WDR4: variants seen among roughly 807,000 people sequenced by gnomAD.
WDR4 encodes the protein tRNA (guanine-N(7)-)-methyltransferase non-catalytic subunit WDR4.
In WDR4, 47 loss-of-function variants were observed where a neutral mutation model predicts 48.6. The observed-to-expected ratio is 0.97, with a 90% CI of 0.77 to 1.23. WDR4 has a LOEUF of 1.23. Ranked by LOEUF, WDR4 falls within the 50% of genes most tolerant of loss-of-function variation. The probability of loss-of-function intolerance (pLI) is 0.00; values close to 1 mark genes in which losing one functional copy is unlikely to be tolerated. For missense variants in WDR4, 606 were observed against 551.6 expected (o/e 1.10, Z -0.99); for synonymous variants, 268 against 230.0 (o/e 1.17, Z -1.49).
chr21:42,875,394 AC>A (rs972802812), intron 2 of WDR4, among the ~76,000 whole-genome samples: 2 of 152,100 alleles, frequency 1.3e-5, no homozygotes, highest in African/African-American at 4.8e-5. Context: ...TACTAAAAAT[AC>A]AAAAAAAAAA....
downstream of WDR4, among the ~76,000 whole-genome samples, chr21:42,845,417 T>C (rs1438865557): frequency 1.3e-5 from 2 of 152,242 alleles, no homozygotes; most frequent in Non-Finnish European, 2.9e-5. Context: ...TCGCGGCTGG[T>C]CAGCTGCTGC....
upstream of WDR4, among the ~76,000 whole-genome samples, chr21:42,882,495 G>A (rs775705931): frequency 4.6e-5 from 7 of 151,748 alleles, no homozygotes; most frequent in Non-Finnish European, 7.4e-5. Flanking sequence ...CCCAGGAGGT[G>A]GAGGTTACAG....
intron 3 of WDR4, among the ~76,000 whole-genome samples, chr21:42,864,706 C>T (rs2058209751): frequency 6.6e-6 from 1 of 152,228 alleles, no homozygotes; most frequent in Non-Finnish European, 1.5e-5. Flanking sequence ...TCACAGTTCG[C>T]TCCCTCTCCT....
downstream of WDR4, among the ~76,000 whole-genome samples, chr21:42,848,686 G>A (rs191932837): frequency 2.3e-4 from 21 of 91,764 alleles, no homozygotes; most frequent in East Asian, 1.0e-3. Flanking sequence ...CTCACACAGC[G>A]CACGATCACG....
At position 42,860,309 on chromosome 21, in the gene WDR4, G is replaced by A. The variant is rs571572530; in HGVS notation, c.567-587C>T. Among the ~76,000 whole-genome samples, 6 of 152,344 alleles carry A rather than the reference G, an allele frequency of 3.9e-5. No individual in the cohort carries two copies. In the South Asian group the frequency reaches 1.2e-3, roughly 32 times the overall value. On this transcript the variant is annotated intron_variant, in intron 5 of 10. Coordinates refer to ENST00000398208, the MANE Select transcript of WDR4 (RefSeq NM_018669.6). ...TGAGCCCGGCCCAGTCCTCCTGTGA[G>A]GGGTTGGCCTGCAAGCACAGGACTC...
chr21:42,881,155 C>G (rs1292865931), upstream of WDR4, among the ~76,000 whole-genome samples: 1 of 152,206 alleles, frequency 6.6e-6, no homozygotes, highest in African/African-American at 2.4e-5. Flanking sequence ...ATCCGCCTGC[C>G]TCGGCCTCCC....
the WDR4 span, among the ~76,000 whole-genome samples, chr21:42,891,672 AT>A: frequency 6.6e-6 from 1 of 151,988 alleles, no homozygotes; most frequent in African/African-American, 2.4e-5. Flanking sequence ...GAAAAAAAAA[AT>A]CTGGCCGGGT....
At chr21:42,873,503 T>C (rs368985171) in intron 3 of WDR4, 48 bp downstream of exon 3, 19 of 1,608,734 alleles carry the variant, frequency 1.2e-5, no homozygotes, top group Non-Finnish European at 1.6e-5. Flanking sequence ...CATGCAAGGA[T>C]AAGGTGTGCA....
chr21:42,850,672 G>A (rs1284497848), intron 10 of WDR4, among the ~76,000 whole-genome samples: 1 of 152,202 alleles, frequency 6.6e-6, no homozygotes, highest in African/African-American at 2.4e-5. Context: ...GTCGGGCCCT[G>A]CCTGGTGAAG....
At chr21:42,868,200 C>A (rs2146075861) in intron 3 of WDR4, among the ~76,000 whole-genome samples, 1 of 152,294 alleles carries the variant, frequency 6.6e-6, no homozygotes, top group East Asian at 1.9e-4. Flanking sequence ...CCTGGAGGAG[C>A]CCTGGGCCTC....
upstream of WDR4, among the ~76,000 whole-genome samples, chr21:42,881,898 G>T (rs975418532): frequency 6.6e-6 from 1 of 152,020 alleles, no homozygotes; most frequent in East Asian, 1.9e-4. Context: ...TCTGCCTCCC[G>T]GGTTCAAGCG....
intron 8 of WDR4, 129 bp from the exon 9 acceptor site, chr21:42,853,881 C>T: frequency 9.8e-7 from 1 of 1,020,164 alleles, no homozygotes; most frequent in Non-Finnish European, 1.4e-6. Flanking sequence ...AAAGCCCCAG[C>T]TGCGCCACTC....
chr21:42,881,083 T>A (rs1156823546), upstream of WDR4, among the ~76,000 whole-genome samples: 1 of 152,150 alleles, frequency 6.6e-6, no homozygotes, highest in Non-Finnish European at 1.5e-5. Flanking sequence ...TTTTTTGTAT[T>A]TTTCAGTGGA....
At chr21:42,860,439 G>A (rs1009528923) in intron 5 of WDR4, among the ~76,000 whole-genome samples, 1 of 152,252 alleles carries the variant, frequency 6.6e-6, no homozygotes, top group African/African-American at 2.4e-5. Flanking sequence ...GGGTGACAAG[G>A]CCCCTTTTCT....
At chr21:42,856,662 T>C (rs1256760905) in intron 6 of WDR4, among the ~76,000 whole-genome samples, 1 of 152,190 alleles carries the variant, frequency 6.6e-6, no homozygotes, top group Non-Finnish European at 1.5e-5. Context: ...TATTTGTAAG[T>C]ATTTTTAAAT....
chr21:42,867,428 A>G (rs972158522), intron 3 of WDR4, among the ~76,000 whole-genome samples: 19 of 151,550 alleles, frequency 1.3e-4, no homozygotes, highest in African/African-American at 3.6e-4. Context: ...ACGCACAGGT[A>G]AAGGGGCACT....
At chr21:42,855,118 A>G (rs2057951830) in intron 7 of WDR4, among the ~76,000 whole-genome samples, 1 of 148,472 alleles carries the variant, frequency 6.7e-6, no homozygotes, top group Non-Finnish European at 1.5e-5. Flanking sequence ...CAAGAGTGGG[A>G]CTCCATCTCA....
chr21:42,880,219 A>G (rs141484857), upstream of WDR4, among the ~76,000 whole-genome samples: 9 of 152,166 alleles, frequency 5.9e-5, no homozygotes, highest in Non-Finnish European at 1.3e-4. Flanking sequence ...AAGCCTACTG[A>G]ATCTTTGCAC....
chr21:42,870,986 A>T (rs1023298495), intron 3 of WDR4, among the ~76,000 whole-genome samples: 3 of 152,122 alleles, frequency 2.0e-5, no homozygotes, highest in African/African-American at 7.2e-5. Flanking sequence ...GCCCTGACCT[A>T]CCTAGGACCT....
Sources: gnomAD v4.1 joint callset for allele counts (sites outside exome capture counted in the v4.1 genomes callset) on GRCh38, gnomAD v4.1.1 for gene constraint, MANE v1.5 for transcripts, NCBI Gene and HGNC (gene_info 2026-07-23, HGNC 2026-07-21) for gene names.